Variants in CADM1 observed in about 807,000 individuals in gnomAD.
The protein encoded by CADM1 is cell adhesion molecule 1, also known as TSLC-1.
CADM1 carries 15 observed loss-of-function variants against 53.1 expected under a neutral mutation model. That is an observed-to-expected ratio of 0.28 (90% confidence interval 0.19 to 0.44). The LOEUF (loss-of-function observed/expected upper bound fraction) is 0.44. Ranked by LOEUF, CADM1 falls within the 20% of genes least tolerant of loss-of-function variation. CADM1 has a pLI of 1.00. For missense variants in CADM1, 434 were observed against 611.3 expected, an observed-to-expected ratio of 0.71 and a Z score of 3.06; for synonymous variants, 281 against 243.0, an observed-to-expected ratio of 1.16 and a Z score of -1.45.
At chr11:115,237,463 A>C (rs1407461718) in intron 3 of CADM1, among the ~76,000 whole-genome samples, 1 of 152,200 alleles carries the variant, frequency 6.6e-6, no homozygotes, top group East Asian at 1.9e-4. Flanking sequence ...AGCTGTGTTG[A>C]AGTAAAGTAA....
At chr11:115,222,471 G>A (rs1321175758) in intron 5 of CADM1, among the ~76,000 whole-genome samples, 1 of 152,172 alleles carries the variant, frequency 6.6e-6, no homozygotes, top group African/African-American at 2.4e-5. Context: ...TCTCAGAGGA[G>A]TTAAAGAGAA....
In CADM1 at chr11:115,231,371, C is replaced by T; in HGVS notation, c.544G>A (p.Gly182Arg). The T allele has an allele frequency of 6.2e-7, 1 of 1,614,126 alleles. No individual in the cohort carries two copies. The highest frequency in any genetic ancestry group is 8.5e-7 in the Non-Finnish European group (1 of 1,179,982). ...KPATTIRWFK[G>R]NTELKGKSEV... ...AGCTTACCTTTTAGCTCTGTGTTCC[C>T]TTTGAACCACCTGATAGTCGTGGCT... Residue 182 changes from glycine (G) to arginine (R), a missense_variant, in exon 4 of 12, where the codon GGG (glycine) becomes AGG (arginine). Physicochemically the swap from Gly to Arg is moderately radical, Grantham distance 125 (BLOSUM62 -2). Transcript: ENST00000331581.
intron 1 of CADM1, among the ~76,000 whole-genome samples, chr11:115,474,070 G>A (rs541016335): frequency 9.9e-5 from 15 of 151,840 alleles, no homozygotes; most frequent in East Asian, 3.9e-4. Flanking sequence ...CGAGGTGGGC[G>A]GATCATGGGG....
intron 1 of CADM1, among the ~76,000 whole-genome samples, chr11:115,310,709 G>T (rs1944511411): frequency 6.6e-6 from 1 of 152,098 alleles, no homozygotes; most frequent in Non-Finnish European, 1.5e-5. Context: ...GGTAGCTGAG[G>T]TTATCTGATA....
intron 1 of CADM1, chr11:115,256,938 T>A: frequency 2.2e-6 from 1 of 455,582 alleles, no homozygotes; most frequent in Non-Finnish European, 4.4e-6. Flanking sequence ...TGAATTTTGG[T>A]CTCTTAAAAA....
chr11:115,416,720 CACACACACACACACAGAT>C (rs1343219561), intron 1 of CADM1, among the ~76,000 whole-genome samples: 1 of 151,274 alleles, frequency 6.6e-6, no homozygotes, highest in African/African-American at 2.4e-5. Context: ...CACACACACA[CACACACACACACACAGAT>C]AGATATTGTA....
chr11:115,487,722 T>C (rs1353036358), intron 1 of CADM1, among the ~76,000 whole-genome samples: 1 of 152,170 alleles, frequency 6.6e-6, no homozygotes, highest in Non-Finnish European at 1.5e-5. Context: ...ATGACCAGAA[T>C]AATGAAATAA....
intron 1 of CADM1, among the ~76,000 whole-genome samples, chr11:115,313,492 A>G (rs1185950761): frequency 2.6e-5 from 4 of 152,308 alleles, no homozygotes; most frequent in African/African-American, 9.6e-5. Flanking sequence ...ATTATCATAG[A>G]TAGTACTAGA....
intron 1 of CADM1, among the ~76,000 whole-genome samples, chr11:115,331,020 G>C (rs1945115439): frequency 6.6e-6 from 1 of 152,154 alleles, no homozygotes; most frequent in African/African-American, 2.4e-5. Context: ...GAGGAATCAG[G>C]TTGCAGGTTG....
chr11:115,326,989 A>T (rs1026757400), intron 1 of CADM1, among the ~76,000 whole-genome samples: 5 of 152,186 alleles, frequency 3.3e-5, no homozygotes, highest in African/African-American at 1.2e-4. Context: ...TCTGGATAAT[A>T]AATAATAATA....
chr11:115,263,285 A>G (rs369716949), intron 1 of CADM1, among the ~76,000 whole-genome samples: 1 of 152,224 alleles, frequency 6.6e-6, no homozygotes, highest in African/African-American at 2.4e-5. Flanking sequence ...CATCCTCACA[A>G]TGAGGGGAAT....
intron 1 of CADM1, among the ~76,000 whole-genome samples, chr11:115,285,877 C>T (rs1040443800): frequency 6.6e-6 from 1 of 152,080 alleles, no homozygotes; most frequent in Non-Finnish European, 1.5e-5. Flanking sequence ...GAGCCTGAAA[C>T]CTTGGCACTC....
chr11:115,484,603 T>C lies in CADM1; in HGVS notation c.124+19668A>G, dbSNP rs1376618651. Among the ~76,000 whole-genome samples, 4 of 152,184 alleles carry C rather than the reference T, an allele frequency of 2.6e-5. No individual in the cohort carries two copies. In the South Asian group the frequency reaches 8.3e-4, roughly 31 times the overall value. ...CTCTTTCTAGTTCCCTATACCATGG[T>C]AAAGACACAATTTGGCGTACTGGTA... is the stretch of plus-strand genomic sequence containing the variant. On this transcript the variant is annotated intron_variant, in intron 1 of 11. Coordinates refer to ENST00000331581, the MANE Select transcript of CADM1 (RefSeq NM_001301043.2).
At chr11:115,416,323 A>G (rs543109905) in intron 1 of CADM1, among the ~76,000 whole-genome samples, 1 of 152,342 alleles carries the variant, frequency 6.6e-6, no homozygotes, top group Admixed American at 6.5e-5. Context: ...GAGTGAAAAA[A>G]ATATGAAACA....
intron 1 of CADM1, among the ~76,000 whole-genome samples, chr11:115,254,155 T>C (rs1459926948): frequency 6.6e-6 from 1 of 152,216 alleles, no homozygotes; most frequent in Non-Finnish European, 1.5e-5. Flanking sequence ...ACTATCTTAA[T>C]CATCTTTGTA....
chr11:115,218,900 C>G (rs1201956171), intron 5 of CADM1, among the ~76,000 whole-genome samples: 2 of 152,096 alleles, frequency 1.3e-5, no homozygotes, highest in African/African-American at 4.8e-5. Flanking sequence ...GGGAGGGAAG[C>G]TACAGAAGTT....
At chr11:115,177,740 G>A (rs542747274) in intron 11 of CADM1, among the ~76,000 whole-genome samples, 1 of 151,540 alleles carries the variant, frequency 6.6e-6, no homozygotes, top group Admixed American at 6.6e-5. Context: ...TGGGCAGAGG[G>A]CGAAGTATGG....
At chr11:115,430,816 C>T (rs1409597159) in intron 1 of CADM1, among the ~76,000 whole-genome samples, 2 of 152,144 alleles carry the variant, frequency 1.3e-5, no homozygotes, top group Admixed American at 6.6e-5. Context: ...AAATAAATTA[C>T]TCTGACTTAG....
intron 1 of CADM1, among the ~76,000 whole-genome samples, chr11:115,274,454 A>C (rs573737851): frequency 6.6e-6 from 1 of 152,168 alleles, no homozygotes; most frequent in Admixed American, 6.5e-5. Flanking sequence ...AAAAAAGTCT[A>C]CTTCTTCCCT....
Sources: allele counts gnomAD v4.1 joint callset (sites outside exome capture counted in the v4.1 genomes callset), GRCh38; gene constraint gnomAD v4.1.1; transcripts MANE v1.5; gene names NCBI Gene and HGNC (gene_info 2026-07-23, HGNC 2026-07-21).